The following DLGAP1 variants were observed in gnomAD, a reference collection of about 807,000 sequenced individuals.
DLGAP1 encodes the protein DLG associated protein 1.
A neutral mutation model predicts 90.8 loss-of-function variants in DLGAP1; 11 were observed. The observed-to-expected ratio is 0.12, with a 90% CI of 0.08 to 0.20. The LOEUF (loss-of-function observed/expected upper bound fraction) is 0.20. Among genes scored for constraint, DLGAP1 ranks in the 10% least tolerant of loss-of-function variants. DLGAP1 has a pLI of 1.00. For missense variants in DLGAP1, 1,050 were observed against 1,333.8 expected (o/e 0.79, Z 3.31); for synonymous variants, 558 against 540.7 (o/e 1.03, Z -0.44).
At chr18:3,930,130 A>G (rs2072483735) in intron 3 of DLGAP1, among the ~76,000 whole-genome samples, 1 of 152,200 alleles carries the variant, frequency 6.6e-6, no homozygotes, top group Admixed American at 6.5e-5. Flanking sequence ...ATTTTAATGC[A>G]TACTTTTTTA....
chr18:4,383,892 T>C lies in DLGAP1; in HGVS notation c.-267+71114A>G, dbSNP rs1164601305. Among the ~76,000 whole-genome samples, 1 of 152,066 alleles carries C rather than the reference T, an allele frequency of 6.6e-6. No homozygotes were observed. On this transcript the variant is annotated intron_variant, in intron 1 of 12. Coordinates refer to ENST00000315677, the MANE Select transcript of DLGAP1 (RefSeq NM_004746.4). This position sits in a 1 kb window ranked among gnomAD's most constrained non-coding sequence, Gnocchi z 4.0. The stretch of plus-strand genomic sequence containing the variant: ...GCTCCTACCAAATAAATAAAATAAC[T>C]CTGGATCAATTATCCAGACTCAGGG...
intron 3 of DLGAP1, among the ~76,000 whole-genome samples, chr18:3,919,125 G>A (rs1022603444): frequency 6.6e-6 from 1 of 152,198 alleles, no homozygotes. Flanking sequence ...TGGTCAAATG[G>A]CTTTGACCTT....
chr18:4,190,161 C>G (rs2077370004), intron 1 of DLGAP1, among the ~76,000 whole-genome samples: 1 of 151,682 alleles, frequency 6.6e-6, no homozygotes, highest in East Asian at 1.9e-4. Flanking sequence ...TATATTCATG[C>G]AAGGAGATAT....
chr18:3,959,657 C>CT (rs2073156526), intron 3 of DLGAP1, among the ~76,000 whole-genome samples: 1 of 113,204 alleles, frequency 8.8e-6, no homozygotes, highest in African/African-American at 3.6e-5. Context: ...GAGCGAGACT[C>CT]TGTCTCAAAA....
chr18:3,960,379 C>A (rs1481281479), intron 3 of DLGAP1, among the ~76,000 whole-genome samples: 1 of 151,994 alleles, frequency 6.6e-6, no homozygotes, highest in African/African-American at 2.4e-5. Context: ...TTATAGAGTG[C>A]CTCTCCTGGA....
At chr18:3,970,944 G>A (rs1346881960) in intron 3 of DLGAP1, among the ~76,000 whole-genome samples, 3 of 152,072 alleles carry the variant, frequency 2.0e-5, no homozygotes, top group Non-Finnish European at 4.4e-5. Context: ...TCTGGGCTAG[G>A]TATGCATTTA....
intron 2 of DLGAP1, among the ~76,000 whole-genome samples, chr18:4,143,920 C>G (rs1054490528): frequency 2.0e-5 from 3 of 152,156 alleles, no homozygotes. Flanking sequence ...CATGCAGTAG[C>G]TAGATCCTCA....
At chr18:3,808,209 C>T (rs1025720909) in intron 5 of DLGAP1, among the ~76,000 whole-genome samples, 13 of 152,204 alleles carry the variant, frequency 8.5e-5, no homozygotes, top group African/African-American at 2.9e-4. Flanking sequence ...TTTCTGTGAG[C>T]AAGAATGACT....
chr18:3,778,690 C>T (rs776077396), intron 5 of DLGAP1, among the ~76,000 whole-genome samples: 2 of 152,108 alleles, frequency 1.3e-5, no homozygotes, highest in Non-Finnish European at 2.9e-5. Flanking sequence ...TGGAGCCAGA[C>T]AACTCCATTT....
intron 8 of DLGAP1, among the ~76,000 whole-genome samples, chr18:3,569,660 G>C (rs1317923216): frequency 6.6e-6 from 1 of 151,774 alleles, no homozygotes; most frequent in Non-Finnish European, 1.5e-5. Flanking sequence ...AAATGTTTCT[G>C]TCAAAGACAC....
chr18:4,105,893 G>A (rs551958552), intron 2 of DLGAP1, among the ~76,000 whole-genome samples: 4 of 151,972 alleles, frequency 2.6e-5, no homozygotes, highest in East Asian at 1.9e-4. Context: ...TTAGCCGGGC[G>A]TGGTGGCGGG....
intron 2 of DLGAP1, among the ~76,000 whole-genome samples, chr18:4,030,529 G>C (rs2074779385): frequency 6.6e-6 from 1 of 151,910 alleles, no homozygotes; most frequent in Admixed American, 6.6e-5. Context: ...ATGGAATCGA[G>C]GCCATACAGG....
intron 2 of DLGAP1, among the ~76,000 whole-genome samples, chr18:4,096,394 G>A (rs2075679730): frequency 6.6e-6 from 1 of 152,140 alleles, no homozygotes; most frequent in African/African-American, 2.4e-5. Context: ...TCTCACATAG[G>A]CTTTGTCATG....
At position 4,068,329 on chromosome 18, in the gene DLGAP1, C is replaced by T. The variant is rs2075399789; in HGVS notation, c.-158-63128G>A. Among the ~76,000 whole-genome samples, 3 of 151,512 alleles carry T rather than the reference C, an allele frequency of 2.0e-5. No individual in the cohort carries two copies. In the South Asian group the frequency reaches 6.2e-4, roughly 32 times the overall value. On this transcript the variant is annotated intron_variant, in intron 2 of 12. Coordinates refer to ENST00000315677, the MANE Select transcript of DLGAP1 (RefSeq NM_004746.4). ...ATAAATAATACACTTTGTGTTTTGGCATAAATTTTAAACTATATTATAATG... is the reference window on the plus strand; with the variant it reads ...ATAAATAATACACTTTGTGTTTTGGTATAAATTTTAAACTATATTATAATG...
chr18:4,432,482 A>T (rs1598411713), intron 1 of DLGAP1, among the ~76,000 whole-genome samples: 2 of 42,996 alleles, frequency 4.7e-5, no homozygotes, highest in East Asian at 6.7e-3. Context: ...ATATTGAAAT[A>T]AATTTTTTTA....
At position 3,715,942 on chromosome 18, in the gene DLGAP1, C is replaced by T. The variant is rs1482096625; in HGVS notation, c.1591+13193G>A. ...GGGAAAAAAGCCCTACAAAAATCTA[C>T]AAAACCTCACTTGCTACCAGTATGA... On this transcript the variant is annotated intron_variant, in intron 7 of 12. Coordinates refer to ENST00000315677, the MANE Select transcript of DLGAP1 (RefSeq NM_004746.4). 7.9e-5 allele frequency among the ~76,000 whole-genome samples: 12 copies of T among 152,248 alleles called. No individual in the cohort carries two copies. In the South Asian group the frequency reaches 2.3e-3, roughly 29 times the overall value.
chr18:3,520,278 C>T (rs985703740), intron 10 of DLGAP1, among the ~76,000 whole-genome samples: 38 of 152,132 alleles, frequency 2.5e-4, no homozygotes, highest in Non-Finnish European at 5.0e-4. Flanking sequence ...TCCCTCTCTC[C>T]GAACTCCTTC....
At chr18:4,156,802 A>C (rs891281128) in intron 1 of DLGAP1, among the ~76,000 whole-genome samples, 2 of 152,194 alleles carry the variant, frequency 1.3e-5, no homozygotes, top group African/African-American at 4.8e-5. Flanking sequence ...CTAGCACTTA[A>C]GAATTTTTTT....
chr18:4,198,494 T>C (rs1402970032), intron 1 of DLGAP1, among the ~76,000 whole-genome samples: 1 of 152,102 alleles, frequency 6.6e-6, no homozygotes, highest in Non-Finnish European at 1.5e-5. Context: ...CATATTTGAA[T>C]AATGCACATT....
Sources: allele counts gnomAD v4.1 joint callset (sites outside exome capture counted in the v4.1 genomes callset), GRCh38; gene constraint gnomAD v4.1.1; non-coding constraint Gnocchi (gnomAD v3.1); transcripts MANE v1.5; gene names NCBI Gene and HGNC (gene_info 2026-07-23, HGNC 2026-07-21).